PCLO: variants seen among roughly 807,000 people sequenced by gnomAD.
PCLO encodes protein piccolo.
In PCLO, 82 loss-of-function variants were observed where a neutral mutation model predicts 427.5. That is an observed-to-expected ratio of 0.19 (90% CI 0.16 to 0.23). The LOEUF (loss-of-function observed/expected upper bound fraction) is 0.23, where lower values mean the gene tolerates loss of function less well. Ranked by LOEUF, PCLO falls within the 10% of genes least tolerant of loss-of-function variation. The pLI, the probability that PCLO is intolerant of heterozygous loss-of-function variation, is 1.00. For missense variants in PCLO, 6,239 were observed against 6,115.9 expected, an observed-to-expected ratio of 1.02 and a Z score of -0.67; for synonymous variants, 2,357 against 2,155.4, an observed-to-expected ratio of 1.09 and a Z score of -2.59.
intron 3 of PCLO, among the ~76,000 whole-genome samples, chr7:83,062,938 C>T (rs552453191): frequency 1.1e-4 from 17 of 152,114 alleles, no homozygotes; most frequent in African/African-American, 3.4e-4. Flanking sequence ...ATTACTATTT[C>T]CAAATTTTCA....
Position 82,908,895 on chromosome 7 carries a change from G to A in PCLO, c.13419C>T (p.Leu4473=), listed in dbSNP as rs1269811901. 1 of 1,612,312 alleles carries A rather than the reference G, an allele frequency of 6.2e-7. No individual in the cohort carries two copies. Among genetic ancestry groups the A allele is most frequent in the Non-Finnish European group, 8.5e-7 (1 of 1,178,924 alleles). The change falls in exon 8 of 25, where the codon CTC becomes CTT. Residue 4473 remains leucine, a synonymous_variant. Coordinates refer to ENST00000333891, the MANE Select transcript of PCLO (RefSeq NM_033026.6). ...CACTTACTTGCTCTTGATGTTGACT[G>A]AGTGGTCTAGAGTGGACCAATCTTT... ...LPERLVHSRP[L]SQHQEQIIQM... is the part of the protein sequence containing the mutation.
chr7:82,813,338 G>C (rs936238260), intron 20 of PCLO, among the ~76,000 whole-genome samples: 1 of 151,534 alleles, frequency 6.6e-6, no homozygotes, highest in Non-Finnish European at 1.5e-5. Flanking sequence ...TCTCCAAATA[G>C]ATCCTTAAAA....
At chr7:82,867,615 A>C (rs2115958923) in intron 10 of PCLO, among the ~76,000 whole-genome samples, 2 of 152,304 alleles carry the variant, frequency 1.3e-5, no homozygotes, top group Admixed American at 1.3e-4. Context: ...TATTGGTTAG[A>C]CAAATCCGGA....
chr7:82,809,061 T>G (rs1207288385), intron 20 of PCLO, among the ~76,000 whole-genome samples: 1 of 151,924 alleles, frequency 6.6e-6, no homozygotes, highest in African/African-American at 2.4e-5. Context: ...TGAAACAGAC[T>G]TCAAGAAATA....
At chr7:82,922,217 C>T (rs1209978777) in intron 6 of PCLO, among the ~76,000 whole-genome samples, 10 of 151,960 alleles carry the variant, frequency 6.6e-5, no homozygotes. Context: ...TACCATTTGA[C>T]CCAGCAAAGG....
At position 82,823,068 on chromosome 7, in the gene PCLO, C is replaced by T. The variant is rs1177480337; in HGVS notation, c.14597-379G>A. 3.9e-5 allele frequency among the ~76,000 whole-genome samples: 6 copies of T among 152,012 alleles called. No homozygotes were observed. The East Asian group carries it at 1.2e-3, about 29-fold the overall frequency. ...GGATGAAGGATGTGAATCACTAGGA[C>T]ATATTAAGTGTGGAGATTGTAGAAT... On this transcript the variant is annotated intron_variant, in intron 19 of 24. Transcript: ENST00000333891.
intron 3 of PCLO, among the ~76,000 whole-genome samples, chr7:82,979,969 A>G (rs922399471): frequency 1.3e-5 from 2 of 152,324 alleles, no homozygotes; most frequent in Middle Eastern, 3.4e-3. Flanking sequence ...TAAATGCTAA[A>G]GAACAAGAGA....
At chr7:83,096,473 A>T (rs1356505073) in intron 3 of PCLO, among the ~76,000 whole-genome samples, 4 of 151,964 alleles carry the variant, frequency 2.6e-5, no homozygotes, top group Non-Finnish European at 5.9e-5. Context: ...TAATGATACT[A>T]AATACCTCAA....
At chr7:82,982,308 T>A (rs117479888) in intron 3 of PCLO, among the ~76,000 whole-genome samples, 1 of 152,208 alleles carries the variant, frequency 6.6e-6, no homozygotes, top group Non-Finnish European at 1.5e-5. Flanking sequence ...CCAACTCATA[T>A]AGAGTGGGGG....
chr7:82,994,134 C>G (rs41579), intron 3 of PCLO, among the ~76,000 whole-genome samples: 1 of 151,800 alleles, frequency 6.6e-6, no homozygotes, highest in South Asian at 2.1e-4. Context: ...AGACTCAATA[C>G]AAGATATAAC....
At chr7:82,850,263 C>T (rs1410149147) in intron 10 of PCLO, among the ~76,000 whole-genome samples, 2 of 152,096 alleles carry the variant, frequency 1.3e-5, no homozygotes, top group East Asian at 1.9e-4. Flanking sequence ...CTGACCTCAG[C>T]CTCCCAAAGT....
intron 3 of PCLO, among the ~76,000 whole-genome samples, chr7:83,126,595 A>G (rs1469466782): frequency 1.3e-5 from 2 of 152,106 alleles, no homozygotes; most frequent in Non-Finnish European, 2.9e-5. Flanking sequence ...AAATTCATAT[A>G]AGAATGAATC....
intron 1 of PCLO, among the ~76,000 whole-genome samples, chr7:83,159,427 T>C (rs2116704129): frequency 6.6e-6 from 1 of 152,098 alleles, no homozygotes; most frequent in African/African-American, 2.4e-5. Flanking sequence ...TAACTGTAAA[T>C]AGAAAGAGTA....
chr7:82,770,938 A>T (rs1790633817), intron 22 of PCLO, among the ~76,000 whole-genome samples: 1 of 152,024 alleles, frequency 6.6e-6, no homozygotes, highest in Non-Finnish European at 1.5e-5. Flanking sequence ...AATTCCCAGA[A>T]ATATGTTTTC....
chr7:82,922,707 AC>A (rs1202519104), intron 6 of PCLO, among the ~76,000 whole-genome samples: 3 of 151,990 alleles, frequency 2.0e-5, no homozygotes, highest in Non-Finnish European at 2.9e-5. Context: ...TATGTAACAA[AC>A]CTGCACATGT....
chr7:82,784,341 C>T (rs898916634), intron 22 of PCLO, among the ~76,000 whole-genome samples: 2 of 152,242 alleles, frequency 1.3e-5, no homozygotes, highest in African/African-American at 2.4e-5. Flanking sequence ...GCTGGTCAGC[C>T]GGGAACGTTA....
At chr7:82,949,307 G>A (rs548689371) in intron 6 of PCLO, among the ~76,000 whole-genome samples, 169 bp downstream of exon 6, 6 of 150,110 alleles carry the variant, frequency 4.0e-5, no homozygotes, top group South Asian at 2.1e-4. Context: ...ACACACACAC[G>A]CACACACACA....
chr7:82,930,183 C>A (rs530399196), intron 6 of PCLO, among the ~76,000 whole-genome samples: 1 of 152,054 alleles, frequency 6.6e-6, no homozygotes, highest in Non-Finnish European at 1.5e-5. Context: ...ACAAGGGCTA[C>A]AGGGGAGGGA....
At chr7:82,985,133 A>C (rs1796230062) in intron 3 of PCLO, among the ~76,000 whole-genome samples, 1 of 152,044 alleles carries the variant, frequency 6.6e-6, no homozygotes, top group Non-Finnish European at 1.5e-5. Flanking sequence ...GACCTGATAC[A>C]TGGCCATGTT....
Sources: gnomAD v4.1 joint callset for allele counts (sites outside exome capture counted in the v4.1 genomes callset) on GRCh38, gnomAD v4.1.1 for gene constraint, MANE v1.5 for transcripts, NCBI Gene and HGNC (gene_info 2026-07-23, HGNC 2026-07-21) for gene names.